Variants in ATR observed in about 807,000 individuals in gnomAD.
The protein encoded by ATR is serine/threonine-protein kinase ATR.
Under a neutral mutation model 305.3 loss-of-function variants are expected in ATR, and 142 were observed. The observed-to-expected ratio is 0.47, with a 90% CI of 0.41 to 0.53. The LOEUF (loss-of-function observed/expected upper bound fraction) is 0.53. ATR is among the 20% of genes least tolerant of loss of function. The pLI is 0.00. For missense variants in ATR, 2,135 were observed against 3,133.1 expected, an observed-to-expected ratio of 0.68 and a Z score of 7.60; for synonymous variants, 1,050 against 1,068.1, an observed-to-expected ratio of 0.98 and a Z score of 0.33.
rs997921685 is a variant in ATR at position 142,554,509 on chromosome 3, C to T, written c.2342-494G>A. On this transcript the variant is annotated intron_variant, in intron 10 of 46. Coordinates refer to ENST00000350721, the MANE Select transcript of ATR (RefSeq NM_001184.4). ...TCCCGAAGTGCTGGTGTTAAAGGAG[C>T]GAACCACTGCACTCAGCCTATAAAT... Among the ~76,000 whole-genome samples the T allele has an allele frequency of 9.2e-5, 14 of 152,270 alleles. No individual in the cohort carries two copies. In the South Asian group the frequency reaches 2.1e-3, roughly 23 times the overall value.
intron 46 of ATR, chr3:142,451,098 TG>T: frequency 7.8e-7 from 1 of 1,275,038 alleles, no homozygotes; most frequent in South Asian, 1.4e-5. Context: ...TGGTCAATTG[TG>T]AAACAGCCCC....
In ATR at chr3:142,553,942, A is replaced by C. The variant is rs2034571140; in HGVS notation, c.2415T>G (p.Val805=). 1 of 1,611,450 alleles carries C rather than the reference A, an allele frequency of 6.2e-7. No individual in the cohort carries two copies. The highest frequency in any genetic ancestry group is 1.1e-5 in the South Asian group (1 of 90,494). The change falls in exon 11 of 47, where the codon GTT becomes GTG. Residue 805 remains valine (V), a synonymous_variant. Transcript: ENST00000350721. ...CCATTAAATTTAATAAAGTTCCAAG[A>C]ACTGCTTTTACATCTGTTTCATCTT... The part of the protein sequence containing the change: ...FREDETDVKA[V]LGTLLNLMED...
intron 46 of ATR, chr3:142,452,595 A>G: frequency 1.3e-6 from 1 of 751,400 alleles, no homozygotes; most frequent in Non-Finnish European, 1.6e-6. Flanking sequence ...AACTGCTTGA[A>G]CCCAGGAGGC....
In ATR at chr3:142,467,221, T is replaced by A. The variant is rs534110982; in HGVS notation, c.6688-688A>T. On this transcript the variant is annotated intron_variant, in intron 39 of 46. Transcript: ENST00000350721. Reference sequence around the variant, plus strand: ...ATTAAAGAACTTCTCTCTCCCTCCTTATAACCACCCCCACCTCCCACTTTT... The same window carrying A: ...ATTAAAGAACTTCTCTCTCCCTCCTAATAACCACCCCCACCTCCCACTTTT... 2.0e-5 allele frequency among the ~76,000 whole-genome samples: 3 copies of A among 152,218 alleles called. No homozygotes were observed. In the East Asian group the frequency reaches 5.8e-4, roughly 29 times the overall value.
rs9869842 is a variant in ATR at position 142,553,472 on chromosome 3, G to A, written c.2634-74C>T. On this transcript the variant is annotated intron_variant, in intron 12 of 46. Coordinates refer to ENST00000350721, the MANE Select transcript of ATR (RefSeq NM_001184.4). ...CACACACACACATACACACACATAT[G>A]TATCTCCAATATCCCAGAAACAAAC... 867,841 of 1,502,864 alleles carry A rather than the reference G, an allele frequency of 0.58. 253,985 individuals carry two copies. The highest frequency in any genetic ancestry group is 0.8 in the African/African-American group (56,741 of 71,248). The allele number at this position is 1,502,864 out of a possible 1,614,324, so 93.1% of individuals were successfully genotyped here.
At chr3:142,466,844 A>C (rs2071142569) in intron 39 of ATR, among the ~76,000 whole-genome samples, 1 of 152,214 alleles carries the variant, frequency 6.6e-6, no homozygotes, top group Non-Finnish European at 1.5e-5. Context: ...GGATACTCCA[A>C]CAGGTTACCC....
rs186824993 is a variant in ATR at position 142,508,021 on chromosome 3, G to A, written c.4941C>T (p.Arg1647=). 15 of 1,613,264 alleles carry A rather than the reference G, an allele frequency of 9.3e-6. No individual in the cohort carries two copies. In the African/African-American group the frequency reaches 1.3e-4, roughly 14 times the overall value. ...PQDTLAVASF[R]SKAYTRAVMH... ...TTACAGCTCGTGTGTATGCTTTGGA[G>A]CGAAAGGAAGCTACTGCCAGAGTAT... The change falls in exon 28 of 47, where the codon CGC becomes CGT. Residue 1647 remains arginine (R), a synonymous_variant. Transcript: ENST00000350721.
chr3:142,465,380 C>A (rs914420961), intron 40 of ATR, 140 bp from the exon 41 acceptor site: 4 of 631,676 alleles, frequency 6.3e-6, no homozygotes, highest in African/African-American at 1.9e-5. Flanking sequence ...TTTTAAAAAT[C>A]TTTTATTTTA....
At chr3:142,493,548 A>G (rs2031413473) in intron 34 of ATR, among the ~76,000 whole-genome samples, 1 of 152,202 alleles carries the variant, frequency 6.6e-6, no homozygotes, top group Admixed American at 6.5e-5. Context: ...TTCCACATCA[A>G]TGGATTCAAC....
In ATR at chr3:142,561,331, T is replaced by C. The variant is rs372973014; in HGVS notation, c.1261A>G (p.Ser421Gly). ...IQCQTQQENLSSNSDGISPKR... is the reference protein window; with the variant it reads ...IQCQTQQENLGSNSDGISPKR... ...GGTGATATTCCATCACTATTACTGC[T>C]GAGGTTTTCCTGTTGAGTTTGGCAT... Residue 421 changes from serine to glycine, a missense_variant, in exon 5 of 47, where the codon AGC (serine) becomes GGC (glycine). Ser to Gly is a moderately conservative substitution (Grantham distance 56). This residue lies in a region of ATR where 744 missense variants were observed against 873.2 expected (regional missense o/e 0.85). Transcript: ENST00000350721. 1.2e-5 allele frequency: 19 copies of C among 1,613,986 alleles called. No homozygotes were observed. In the African/African-American group the frequency reaches 1.5e-4, roughly 12 times the overall value.
chr3:142,451,943 T>A (rs2070800525), intron 46 of ATR: 1 of 1,211,502 alleles, frequency 8.3e-7, no homozygotes, highest in Non-Finnish European at 1.0e-6. Context: ...ACAAGCCAAG[T>A]ATATCTATCA....
chr3:142,561,401 A>G lies in ATR; in HGVS notation c.1191T>C (p.Tyr397=). 6.2e-7 allele frequency: 1 copy of G among 1,614,086 alleles called. No homozygotes were observed. The highest frequency in any genetic ancestry group is 8.5e-7 in the Non-Finnish European group (1 of 1,179,966). Residue 397 remains tyrosine, a synonymous_variant, in exon 5 of 47, where the codon TAT becomes TAC. Transcript: ENST00000350721. ...CCATACTTTCCATTTTCAAAGCTGC[A>G]TAAAGTGGGCCCAACAAGTACTGAG... ...VDAEYLLGPL[Y]AALKMESMEI... is the part of the protein sequence containing the mutation.
At chr3:142,482,005 T>A (rs1290769452) in intron 36 of ATR, among the ~76,000 whole-genome samples, 1 of 151,974 alleles carries the variant, frequency 6.6e-6, no homozygotes, top group Non-Finnish European at 1.5e-5. Flanking sequence ...GTATTTTTTT[T>A]GGTAGAGATG....
At chr3:142,481,699 A>G (rs2030498534) in intron 36 of ATR, among the ~76,000 whole-genome samples, 4 of 152,126 alleles carry the variant, frequency 2.6e-5, no homozygotes, top group Admixed American at 2.0e-4. Flanking sequence ...CATGTTCCCT[A>G]GGCTTTTCTT....
At chr3:142,538,454 A>G in intron 19 of ATR, 28 bp downstream of exon 19, 2 of 1,597,072 alleles carry the variant, frequency 1.3e-6, no homozygotes, top group Non-Finnish European at 1.7e-6. Flanking sequence ...AAAAGTTATT[A>G]TTTTACTATT....
chr3:142,453,437 A>C (rs1370212298), intron 45 of ATR, among the ~76,000 whole-genome samples: 1 of 152,120 alleles, frequency 6.6e-6, no homozygotes. Flanking sequence ...GGCAAGATAG[A>C]GGGGAGTCAG....
At chr3:142,450,338 A>G in intron 46 of ATR, 1 of 1,260,068 alleles carries the variant, frequency 7.9e-7, no homozygotes, top group Non-Finnish European at 1.1e-6. Context: ...GCGTGAACCA[A>G]ACCCAGTTCA....
chr3:142,571,809 G>T, intron 1 of ATR, among the ~76,000 whole-genome samples: 2 of 151,782 alleles, frequency 1.3e-5, no homozygotes, highest in South Asian at 4.2e-4. Context: ...GTCGGCCAGG[G>T]TGAAGTGCAG....
intron 46 of ATR, 123 bp from the exon 47 acceptor site, chr3:142,449,725 A>G: frequency 2.0e-6 from 2 of 1,020,330 alleles, no homozygotes; most frequent in Non-Finnish European, 1.5e-6. Context: ...CTTTTGTAAG[A>G]GCAAATACAG....
Sources: allele counts gnomAD v4.1 joint callset (sites outside exome capture counted in the v4.1 genomes callset), GRCh38; gene constraint gnomAD v4.1.1; regional missense constraint gnomAD v4.1.1; transcripts MANE v1.5; gene names NCBI Gene and HGNC (gene_info 2026-07-23, HGNC 2026-07-21).